PCDH15: variants seen among roughly 807,000 people sequenced by gnomAD.
PCDH15 encodes protocadherin-15.
Under a neutral mutation model 178.5 loss-of-function variants are expected in PCDH15, and 129 were observed. That is an observed-to-expected ratio of 0.72 (90% confidence interval 0.63 to 0.84). The LOEUF (loss-of-function observed/expected upper bound fraction) is 0.84, where lower values mean the gene tolerates loss of function less well. PCDH15 is among the 40% of genes least tolerant of loss of function. The pLI is 0.00. For missense variants in PCDH15, 2,230 were observed against 2,099.9 expected, an observed-to-expected ratio of 1.06 and a Z score of -1.21; for synonymous variants, 800 against 732.0, an observed-to-expected ratio of 1.09 and a Z score of -1.50.
intron 2 of PCDH15, among the ~76,000 whole-genome samples, chr10:55,420,133 A>G (rs1838585052): frequency 6.6e-6 from 1 of 151,768 alleles, no homozygotes; most frequent in African/African-American, 2.4e-5. Context: ...ACGTTAGCGT[A>G]TGCATTTTCA....
chr10:54,238,675 T>TCA (rs1564759324), intron 8 of PCDH15, among the ~76,000 whole-genome samples: 1 of 142,748 alleles, frequency 7.0e-6, no homozygotes, highest in Admixed American at 6.9e-5. Flanking sequence ...TCTCTCTCTC[T>TCA]CTCACACACA....
chr10:54,409,062 T>G (rs925588597), intron 3 of PCDH15, among the ~76,000 whole-genome samples: 2 of 152,172 alleles, frequency 1.3e-5, no homozygotes, highest in African/African-American at 2.4e-5. Context: ...TCTCATGAGC[T>G]CTGATGGTTT....
intron 17 of PCDH15, among the ~76,000 whole-genome samples, chr10:54,070,386 T>A (rs1420211296): frequency 6.6e-6 from 1 of 152,202 alleles, no homozygotes; most frequent in Admixed American, 6.5e-5. Context: ...GTATTTTTAG[T>A]ACAGATGGGG....
At position 54,346,397 on chromosome 10, in the gene PCDH15, C is replaced by G. The variant is rs1943290647; in HGVS notation, c.562G>C (p.Glu188Gln). ...DIDDGPNGQI[E>Q]YVIQYNPDDP... is the part of the protein sequence containing the mutation. ...TCTGGATTATACTGAATAACATACT[C>G]TATCTGTCCATTTGGTCCATCATCT... is the stretch of plus-strand genomic sequence containing the variant. Residue 188 changes from glutamate (E) to glutamine (Q), a missense_variant, in exon 6 of 38, where the codon GAG (glutamate) becomes CAG (glutamine). By Grantham distance (29) the Glu-to-Gln change is conservative. Transcript: ENST00000644397. The G allele has an allele frequency of 6.2e-7, 1 of 1,613,380 alleles. No individual in the cohort carries two copies. Among genetic ancestry groups the G allele is most frequent in the Admixed American group, 1.7e-5 (1 of 60,008 alleles).
intron 29 of PCDH15, among the ~76,000 whole-genome samples, chr10:53,836,427 T>G (rs1431378177): frequency 6.6e-6 from 1 of 152,074 alleles, no homozygotes; most frequent in Non-Finnish European, 1.5e-5. Flanking sequence ...GATCAGAGTG[T>G]GGGCAGAAAC....
intron 18 of PCDH15, among the ~76,000 whole-genome samples, chr10:54,033,788 T>G (rs2135445818): frequency 6.6e-6 from 1 of 152,152 alleles, no homozygotes; most frequent in South Asian, 2.1e-4. Context: ...TAGTCTTCTC[T>G]ATGCTTATTG....
chr10:55,609,698 A>G (rs1159941658), intron 2 of PCDH15, among the ~76,000 whole-genome samples: 1 of 152,264 alleles, frequency 6.6e-6, no homozygotes, highest in African/African-American at 2.4e-5. Context: ...CGTGCTATCT[A>G]TTTAACATTA....
intron 2 of PCDH15, among the ~76,000 whole-genome samples, chr10:54,644,838 T>C (rs375083820): frequency 1.2e-4 from 19 of 152,294 alleles, no homozygotes; most frequent in East Asian, 9.7e-4. Flanking sequence ...GTGCACTCTG[T>C]ACCTTATAGA....
chr10:54,352,637 C>T (rs1165351314), intron 5 of PCDH15, among the ~76,000 whole-genome samples: 1 of 151,956 alleles, frequency 6.6e-6, no homozygotes, highest in Non-Finnish European at 1.5e-5. Flanking sequence ...TAGACATTAA[C>T]AAAAAAGAAG....
intron 3 of PCDH15, among the ~76,000 whole-genome samples, chr10:54,852,054 G>A (rs1025710002): frequency 1.3e-5 from 2 of 152,120 alleles, no homozygotes; most frequent in Admixed American, 6.6e-5. Flanking sequence ...CTGCTAATCA[G>A]AAAGGTAGTA....
At chr10:54,474,717 T>G (rs1013199007) in intron 3 of PCDH15, among the ~76,000 whole-genome samples, 1 of 151,936 alleles carries the variant, frequency 6.6e-6, no homozygotes, top group Non-Finnish European at 1.5e-5. Context: ...AAACAAAACA[T>G]AAACCTCTCT....
intron 1 of PCDH15, among the ~76,000 whole-genome samples, chr10:54,706,150 A>T (rs1010233296): frequency 6.6e-6 from 1 of 152,234 alleles, no homozygotes; most frequent in Non-Finnish European, 1.5e-5. Context: ...AATGCTGATT[A>T]CAAGGAACTC....
intron 2 of PCDH15, among the ~76,000 whole-genome samples, chr10:55,549,998 ATTTTGTATT>A (rs1421844580): frequency 6.6e-6 from 1 of 151,846 alleles, no homozygotes; most frequent in Non-Finnish European, 1.5e-5. Flanking sequence ...AGACTCAATG[ATTTTGTATT>A]TTCACCCATC....
chr10:54,836,784 T>C (rs931176035), intron 3 of PCDH15, among the ~76,000 whole-genome samples: 1 of 152,090 alleles, frequency 6.6e-6, no homozygotes, highest in Non-Finnish European at 1.5e-5. Flanking sequence ...ATTGCAGAAC[T>C]AATAAGTAAC....
At chr10:53,909,415 G>T (rs912736009) in intron 25 of PCDH15, among the ~76,000 whole-genome samples, 81 of 152,106 alleles carry the variant, frequency 5.3e-4, no homozygotes, top group African/African-American at 1.9e-3. Context: ...AATTGTAATT[G>T]CTACCACTTC....
intron 2 of PCDH15, among the ~76,000 whole-genome samples, chr10:55,340,138 C>A (rs1844511690): frequency 6.7e-6 from 1 of 150,038 alleles, no homozygotes; most frequent in African/African-American, 2.4e-5. Context: ...ATATAGACAC[C>A]CATGTATAGA....
At chr10:55,099,803 A>G (rs1564797607) in intron 2 of PCDH15, among the ~76,000 whole-genome samples, 1 of 152,106 alleles carries the variant, frequency 6.6e-6, no homozygotes, top group African/African-American at 2.4e-5. Context: ...ACAGATGACT[A>G]TTATTTTTAA....
intron 18 of PCDH15, among the ~76,000 whole-genome samples, chr10:54,031,079 C>T (rs926072709): frequency 6.6e-6 from 1 of 151,982 alleles, no homozygotes; most frequent in Non-Finnish European, 1.5e-5. Context: ...ACTCCTGCTT[C>T]ATCGTTGAAG....
At chr10:54,225,856 T>C (rs897866708) in intron 9 of PCDH15, among the ~76,000 whole-genome samples, 6 of 152,240 alleles carry the variant, frequency 3.9e-5, no homozygotes, top group African/African-American at 1.4e-4. Context: ...TAATGCTTTA[T>C]ATACTGACTG....
Sources: gnomAD v4.1 joint callset for allele counts (sites outside exome capture counted in the v4.1 genomes callset) on GRCh38, gnomAD v4.1.1 for gene constraint, MANE v1.5 for transcripts, NCBI Gene and HGNC (gene_info 2026-07-23, HGNC 2026-07-21) for gene names.